LAMTOR3: variants seen among roughly 807,000 people sequenced by gnomAD.
The protein encoded by LAMTOR3 is ragulator complex protein LAMTOR3.
Under a neutral mutation model 20.3 loss-of-function variants are expected in LAMTOR3, and 14 were observed. That is an observed-to-expected ratio of 0.69 (90% confidence interval 0.46 to 1.08). LAMTOR3 has a LOEUF of 1.08. Ranked by LOEUF, LAMTOR3 falls within the 50% of genes least tolerant of loss-of-function variation. The probability of loss-of-function intolerance (pLI) is 0.00; values close to 1 mark genes in which losing one functional copy is unlikely to be tolerated. For missense variants in LAMTOR3, 125 were observed against 143.7 expected, an observed-to-expected ratio of 0.87 and a Z score of 0.67; for synonymous variants, 40 against 49.4, an observed-to-expected ratio of 0.81 and a Z score of 0.80.
chr4:99,885,585 A>T lies in LAMTOR3; in HGVS notation c.194T>A (p.Leu65His). Reference protein sequence around the residue: ...LATDQGSKLGLSKNKSIICYY... With the variant: ...LATDQGSKLGHSKNKSIICYY... Reference sequence around the variant, plus strand: ...ACAGATGATACTTTTATTTTTGGAAAGTCCAAGTTTGCTTCCTTGGTCTGT... The same window carrying T: ...ACAGATGATACTTTTATTTTTGGAATGTCCAAGTTTGCTTCCTTGGTCTGT... Residue 65 changes from leucine to histidine, a missense_variant, in exon 5 of 7, where the codon CTT becomes CAT. Around this residue, in one of 3 missense-constraint regions of LAMTOR3, gnomAD observed 99 missense variants for 96.0 expected, o/e 1.03. Coordinates refer to ENST00000499666, the MANE Select transcript of LAMTOR3 (RefSeq NM_021970.4). 1 of 1,613,268 alleles carries T rather than the reference A, an allele frequency of 6.2e-7. No homozygotes were observed. Among genetic ancestry groups the T allele is most frequent in the Non-Finnish European group, 8.5e-7 (1 of 1,179,612 alleles).
At chr4:99,891,533 A>G (rs1351263687) in intron 3 of LAMTOR3, among the ~76,000 whole-genome samples, 1 of 152,218 alleles carries the variant, frequency 6.6e-6, no homozygotes, top group Non-Finnish European at 1.5e-5. Flanking sequence ...GTCACTGTGC[A>G]TCTGTTATGC....
intron 4 of LAMTOR3, among the ~76,000 whole-genome samples, chr4:99,885,992 G>A (rs1724919076): frequency 6.6e-6 from 1 of 152,098 alleles, no homozygotes; most frequent in African/African-American, 2.4e-5. Flanking sequence ...GTTATCTGAG[G>A]ACTAGGCTAG....
chr4:99,890,041 A>G (rs1241127827), intron 3 of LAMTOR3, among the ~76,000 whole-genome samples: 6 of 152,166 alleles, frequency 3.9e-5, no homozygotes, highest in African/African-American at 1.4e-4. Flanking sequence ...AGTAATATAA[A>G]TAGAATTTAC....
chr4:99,885,617 G>C lies in LAMTOR3; in HGVS notation c.162C>G (p.Ala54=). The part of the protein sequence containing the change: ...ALRPGFLSTF[A]LATDQGSKLG... ...GTTTGCTTCCTTGGTCTGTTGCAAG[G>C]GCAAAAGTGGATAAGAAACCAGGTC... The change falls in exon 5 of 7, where the codon GCC becomes GCG. Residue 54 remains alanine (A), a synonymous_variant. Coordinates refer to ENST00000499666, the MANE Select transcript of LAMTOR3 (RefSeq NM_021970.4). The C allele has an allele frequency of 1.9e-6, 3 of 1,613,468 alleles. No individual in the cohort carries two copies. Among genetic ancestry groups the C allele is most frequent in the Non-Finnish European group, 1.7e-6 (2 of 1,179,606 alleles).
At chr4:99,891,944 T>C (rs764828296) in intron 3 of LAMTOR3, 56 bp downstream of exon 3, 47 of 1,534,528 alleles carry the variant, frequency 3.1e-5, no homozygotes, top group Non-Finnish European at 3.7e-5. Flanking sequence ...AAATGCTTCA[T>C]AAAATTAACA....
intron 6 of LAMTOR3, 65 bp from the exon 7 acceptor site, chr4:99,882,132 T>C: frequency 1.1e-6 from 1 of 939,896 alleles, no homozygotes; most frequent in Non-Finnish European, 1.6e-6. Context: ...GAAACTCAGA[T>C]TTCCTTATGT....
In LAMTOR3 at chr4:99,881,969, G is replaced by T; in HGVS notation, c.*25C>A. 1 of 1,440,446 alleles carries T rather than the reference G, an allele frequency of 6.9e-7. No homozygotes were observed. The allele number at this position is 1,440,446 out of a possible 1,614,324, so 89.2% of individuals were successfully genotyped here. On this transcript the variant is annotated 3_prime_UTR_variant, in exon 7 of 7. Transcript: ENST00000499666. ...TATTGTGTTGTTATAATGAAGATAA[G>T]GTACACACTGAAACCACTGTCAGAT...
intron 3 of LAMTOR3, among the ~76,000 whole-genome samples, chr4:99,891,254 G>A (rs1437877357): frequency 6.6e-6 from 1 of 152,066 alleles, no homozygotes; most frequent in Admixed American, 6.6e-5. Context: ...ATTACGCTAA[G>A]GTAACTACAG....
At chr4:99,892,960 G>A (rs1022159127) in intron 2 of LAMTOR3, among the ~76,000 whole-genome samples, 45 of 150,332 alleles carry the variant, frequency 3.0e-4, no homozygotes, top group African/African-American at 1.1e-3. Context: ...GATTACAGAC[G>A]TGAGCCACCG....
intron 4 of LAMTOR3, among the ~76,000 whole-genome samples, chr4:99,886,814 G>T (rs1724934159): frequency 1.3e-5 from 2 of 152,028 alleles, no homozygotes; most frequent in African/African-American, 4.8e-5. Flanking sequence ...AGTAAAAATT[G>T]TCTGAATCCA....
rs974173486 is a variant in LAMTOR3 at position 99,885,651 on chromosome 4, T to C, written c.128A>G (p.His43Arg). The stretch of plus-strand genomic sequence containing the variant: ...GGATAAGAAACCAGGTCGCAAAGCA[T>C]GCTCTGGAGCATTGTCATTTGCCAC... ...IKVANDNAPEHALRPGFLSTF... is the reference protein window; with the variant it reads ...IKVANDNAPERALRPGFLSTF... The change falls in exon 5 of 7, where the codon CAT (histidine) becomes CGT (arginine). Residue 43 changes from histidine to arginine, a missense_variant. Transcript: ENST00000499666. The C allele has an allele frequency of 2.5e-6, 4 of 1,613,412 alleles. No homozygotes were observed. The South Asian group carries it at 3.3e-5, about 13-fold the overall frequency.
chr4:99,892,657 T>A (rs1029375779), intron 2 of LAMTOR3, among the ~76,000 whole-genome samples: 8 of 151,848 alleles, frequency 5.3e-5, no homozygotes, highest in African/African-American at 1.9e-4. Context: ...TAAAATAAAT[T>A]CTATATGACT....
intron 4 of LAMTOR3, 58 bp from the exon 5 acceptor site, chr4:99,885,733 C>T: frequency 2.1e-6 from 3 of 1,432,026 alleles, no homozygotes; most frequent in Admixed American, 2.2e-5. Context: ...GAGAGATTTA[C>T]AGCCCTTTTT....
intron 5 of LAMTOR3, among the ~76,000 whole-genome samples, chr4:99,884,959 C>G (rs1724894581): frequency 6.6e-6 from 1 of 151,012 alleles, no homozygotes; most frequent in Non-Finnish European, 1.5e-5. Flanking sequence ...GAGCCAGACT[C>G]TGTCTTGGAA....
chr4:99,884,240 T>C (rs1373266773), intron 5 of LAMTOR3, 115 bp from the exon 6 acceptor site: 4 of 736,330 alleles, frequency 5.4e-6, no homozygotes, highest in Non-Finnish European at 9.5e-6. Context: ...TAGCCCAACA[T>C]TATGGTATTA....
At chr4:99,891,550 T>G (rs938196662) in intron 3 of LAMTOR3, among the ~76,000 whole-genome samples, 1 of 152,140 alleles carries the variant, frequency 6.6e-6, no homozygotes, top group African/African-American at 2.4e-5. Context: ...ATGCAGCTCA[T>G]GCAGAGATAG....
intron 3 of LAMTOR3, 137 bp downstream of exon 3, chr4:99,891,863 G>C: frequency 1.4e-6 from 2 of 1,386,264 alleles, no homozygotes; most frequent in South Asian, 1.5e-5. Context: ...TCCAGAGGAC[G>C]TGAGGCTGGC....
intron 4 of LAMTOR3, among the ~76,000 whole-genome samples, chr4:99,887,001 C>G (rs1303532354): frequency 6.6e-6 from 1 of 152,098 alleles, no homozygotes; most frequent in East Asian, 1.9e-4. Flanking sequence ...ACTCTCATCA[C>G]TTAGATTTAC....
chr4:99,884,702 C>T (rs1263762502), intron 5 of LAMTOR3, among the ~76,000 whole-genome samples: 4 of 152,168 alleles, frequency 2.6e-5, no homozygotes, highest in Non-Finnish European at 5.9e-5. Context: ...CGGTGGCTCA[C>T]ATCTGTAATC....
Sources: allele counts gnomAD v4.1 joint callset (sites outside exome capture counted in the v4.1 genomes callset), GRCh38; gene constraint gnomAD v4.1.1; regional missense constraint gnomAD v4.1.1; transcripts MANE v1.5; gene names NCBI Gene and HGNC (gene_info 2026-07-23, HGNC 2026-07-21).